GRXCR2: variants seen among roughly 807,000 people sequenced by gnomAD.
GRXCR2 encodes glutaredoxin domain-containing cysteine-rich protein 2.
A neutral mutation model predicts 24.8 loss-of-function variants in GRXCR2; 23 were observed. The observed-to-expected ratio is 0.93, with a 90% CI of 0.67 to 1.32. The LOEUF (loss-of-function observed/expected upper bound fraction) is 1.32. GRXCR2 is among the 40% of genes most tolerant of loss of function. The pLI is 0.00. For missense variants in GRXCR2, 315 were observed against 303.4 expected (o/e 1.04, Z -0.28); for synonymous variants, 130 against 116.1 (o/e 1.12, Z -0.77).
At chr5:145,911,636 G>C (rs2149925686) in intron 2 of GRXCR2, among the ~76,000 whole-genome samples, 1 of 152,274 alleles carries the variant, frequency 6.6e-6, no homozygotes, top group Admixed American at 6.5e-5. Context: ...CTCAGATATT[G>C]GTCAAAGTCC....
At chr5:145,877,555 A>G (rs12517844), upstream of GRXCR2, among the ~76,000 whole-genome samples, 55,751 of 152,108 alleles carry the variant, frequency 0.37, 10,886 homozygotes, top group East Asian at 0.71. Flanking sequence ...GTTCTGTGAC[A>G]TAGAATTTAT....
At chr5:145,901,944 A>C (rs886710152) in intron 2 of GRXCR2, among the ~76,000 whole-genome samples, 1 of 152,168 alleles carries the variant, frequency 6.6e-6, no homozygotes, top group Non-Finnish European at 1.5e-5. Context: ...GCAGATTCCA[A>C]ACATATTTTG....
intron 2 of GRXCR2, among the ~76,000 whole-genome samples, chr5:145,904,347 T>C (rs1757063464): frequency 6.6e-6 from 1 of 152,228 alleles, no homozygotes; most frequent in Non-Finnish European, 1.5e-5. Flanking sequence ...GGCCTGATGG[T>C]TGATGGGATC....
chr5:145,916,466 C>G (rs1757240117), intron 2 of GRXCR2, among the ~76,000 whole-genome samples: 2 of 151,726 alleles, frequency 1.3e-5, no homozygotes, highest in Non-Finnish European at 2.9e-5. Context: ...CCATTTTCTC[C>G]ACCAGGCCCC....
intron 2 of GRXCR2, among the ~76,000 whole-genome samples, chr5:145,914,808 G>A (rs1179910234): frequency 6.6e-6 from 1 of 151,814 alleles, no homozygotes. Context: ...CTGCAATTGA[G>A]TGGTGCTGGG....
At chr5:145,872,569 G>C in intron 1 of GRXCR2, 64 bp downstream of exon 1, 1 of 1,379,518 alleles carries the variant, frequency 7.2e-7, no homozygotes, top group Admixed American at 2.3e-5. Context: ...CCATTTAGGA[G>C]TTTCTCTAAA....
intron 2 of GRXCR2, among the ~76,000 whole-genome samples, chr5:145,895,990 C>G (rs576510268): frequency 6.6e-6 from 1 of 152,248 alleles, no homozygotes; most frequent in South Asian, 2.1e-4. Context: ...TATCTACAAC[C>G]ATCTGATCTT....
At chr5:145,916,890 T>G (rs1757249080) in intron 2 of GRXCR2, among the ~76,000 whole-genome samples, 1 of 152,124 alleles carries the variant, frequency 6.6e-6, no homozygotes, top group Admixed American at 6.5e-5. Flanking sequence ...ACCTTTTTTG[T>G]CATTGTCATT....
chr5:145,867,881 G>A (rs1458135706), intron 1 of GRXCR2, among the ~76,000 whole-genome samples: 1 of 152,094 alleles, frequency 6.6e-6, no homozygotes, highest in Non-Finnish European at 1.5e-5. Flanking sequence ...GTAAACATGT[G>A]TTGTCCTGAG....
In GRXCR2 at chr5:145,858,598, A is replaced by G. The variant is rs188337078; in HGVS notation, c.*1135T>C. 6.6e-6 allele frequency: 1 copy of G among 152,342 alleles called. No homozygotes were observed. The highest frequency in any genetic ancestry group is 1.9e-4 in the East Asian group (1 of 5,192). The allele number at this position is 152,342 out of a possible 1,614,324, so 9.4% of individuals were successfully genotyped here. A position where few individuals can be genotyped will look rare whatever the true frequency, so the allele number is the denominator to read the frequency against. ...TGTTAAATTATGTTAAACGCTGAAT[A>G]TTAGAGAATAACAAACAAATCTTGA... On this transcript the variant is annotated 3_prime_UTR_variant, in exon 3 of 3. Coordinates refer to ENST00000377976, the MANE Select transcript of GRXCR2 (RefSeq NM_001080516.2).
chr5:145,874,866 C>G (rs1756588376), upstream of GRXCR2, among the ~76,000 whole-genome samples: 1 of 152,172 alleles, frequency 6.6e-6, no homozygotes, highest in South Asian at 2.1e-4. Flanking sequence ...CAAGCTTACC[C>G]ATTTCTCAAA....
chr5:145,884,377 T>C (rs987927226), intron 2 of GRXCR2, among the ~76,000 whole-genome samples: 16 of 152,130 alleles, frequency 1.1e-4, no homozygotes, highest in African/African-American at 3.1e-4. Context: ...TATATCAACC[T>C]AGATTTCTTC....
chr5:145,918,961 A>C (rs910356324), intron 2 of GRXCR2, among the ~76,000 whole-genome samples: 2 of 152,072 alleles, frequency 1.3e-5, no homozygotes, highest in South Asian at 4.1e-4. Flanking sequence ...CAAATGCTGC[A>C]TTGTATTTTG....
Sources: gnomAD v4.1 joint callset for allele counts (sites outside exome capture counted in the v4.1 genomes callset) on GRCh38, gnomAD v4.1.1 for gene constraint, MANE v1.5 for transcripts, NCBI Gene and HGNC (gene_info 2026-07-23, HGNC 2026-07-21) for gene names.